RUNX1T1: variants seen among roughly 807,000 people sequenced by gnomAD.
The protein encoded by RUNX1T1 is protein CBFA2T1.
A neutral mutation model predicts 62.8 loss-of-function variants in RUNX1T1; 4 were observed. That is an observed-to-expected ratio of 0.06 (90% CI 0.03 to 0.15). RUNX1T1 has a LOEUF of 0.15. RUNX1T1 is among the 10% of genes least tolerant of loss of function. RUNX1T1 has a pLI of 1.00. For synonymous variants in RUNX1T1, 291 were observed against 286.0 expected (o/e 1.02, Z -0.18); for missense variants, 508 against 754.3 (o/e 0.67, Z 3.82).
At chr8:92,008,400 A>T (rs868248944) in intron 4 of RUNX1T1, among the ~76,000 whole-genome samples, 23,544 of 146,744 alleles carry the variant, frequency 0.16, 2,162 homozygotes, top group Middle Eastern at 0.25. Flanking sequence ...ACACACACAC[A>T]CACACACACA....
intron 10 of RUNX1T1, 121 bp downstream of exon 11, chr8:91,970,537 C>T (rs1194716626): frequency 8.1e-6 from 7 of 864,760 alleles, no homozygotes; most frequent in Non-Finnish European, 1.2e-5. Context: ...CCTTGACTTT[C>T]CCCACACTGT....
chr8:92,004,887 T>C, intron 5 of RUNX1T1: 1 of 434,694 alleles, frequency 2.3e-6, no homozygotes, highest in Non-Finnish European at 4.0e-6. Flanking sequence ...GCTTTAATAC[T>C]ACAAGCAGAA....
chr8:91,967,795 G>T lies in RUNX1T1; in HGVS notation c.1458+2863C>A, dbSNP rs560174050. On this transcript the variant is annotated intron_variant, in intron 10 of 10. Coordinates refer to ENST00000396218, the Ensembl canonical transcript of RUNX1T1. ...ACCACATATACGTTGTTTTAGATTT[G>T]GATTATATAGTTCATACCTGACCTA... 9.2e-5 allele frequency among the ~76,000 whole-genome samples: 14 copies of T among 152,108 alleles called. No individual in the cohort carries two copies. The East Asian group carries it at 2.5e-3, about 27-fold the overall frequency.
chr8:91,972,537 C>T (rs1263342561), intron 9 of RUNX1T1, among the ~76,000 whole-genome samples: 1 of 152,040 alleles, frequency 6.6e-6, no homozygotes, highest in Non-Finnish European at 1.5e-5. Flanking sequence ...CCTTTATTAT[C>T]CTATCATAAA....
intron 5 of RUNX1T1, among the ~76,000 whole-genome samples, chr8:91,994,229 T>C (rs959759049): frequency 3.3e-5 from 5 of 152,182 alleles, no homozygotes; most frequent in African/African-American, 1.2e-4. Flanking sequence ...ATCACTGATA[T>C]CAGACTAAAA....
intron 6 of RUNX1T1, among the ~76,000 whole-genome samples, chr8:91,990,094 G>A (rs746918190): frequency 3.3e-5 from 5 of 152,078 alleles, no homozygotes; most frequent in East Asian, 3.9e-4. Context: ...GGCCCTACAC[G>A]TGGAGCCCCT....
At chr8:91,996,059 T>C (rs1007125211) in intron 5 of RUNX1T1, among the ~76,000 whole-genome samples, 1 of 152,208 alleles carries the variant, frequency 6.6e-6, no homozygotes, top group Non-Finnish European at 1.5e-5. Context: ...TCAGGCAAAA[T>C]TAGCGAAGAC....
rs1390733041 is a variant in RUNX1T1 at position 92,005,312 on chromosome 8, C to T, written c.478-15G>A. The T allele has an allele frequency of 1.2e-6, 2 of 1,608,350 alleles. No homozygotes were observed. Among genetic ancestry groups the T allele is most frequent in the Non-Finnish European group, 1.7e-6 (2 of 1,178,600 alleles). On this transcript the variant is annotated splice_polypyrimidine_tract_variant and intron_variant, in intron 4 of 10. Coordinates refer to ENST00000396218, the Ensembl canonical transcript of RUNX1T1. ...GGCAAGTTGGCCTGCAAGGGAATGACAGGAATGAGAGGACGGACTGAAAGT... is the reference window on the plus strand; with the variant it reads ...GGCAAGTTGGCCTGCAAGGGAATGATAGGAATGAGAGGACGGACTGAAAGT...
chr8:92,099,876 C>T (rs952824789), upstream of RUNX1T1, among the ~76,000 whole-genome samples: 1 of 152,100 alleles, frequency 6.6e-6, no homozygotes, highest in Admixed American at 6.6e-5. Flanking sequence ...TTTTTGGCTA[C>T]GGTTCGATTT....
chr8:91,985,554 T>C (rs1816377986), intron 8 of RUNX1T1, among the ~76,000 whole-genome samples: 1 of 152,190 alleles, frequency 6.6e-6, no homozygotes, highest in Non-Finnish European at 1.5e-5. Context: ...ATCTTTATCA[T>C]TAATTTTAAA....
At chr8:91,986,252 G>A (rs1816543986) in exon 8 of RUNX1T1, 1 of 1,613,786 alleles carries the variant, frequency 6.2e-7, no homozygotes. Context: ...TTCCCGGTCT[G>A]CTTCTTGACA....
At chr8:92,003,283 C>T (rs1820108184) in intron 5 of RUNX1T1, 1 of 450,652 alleles carries the variant, frequency 2.2e-6, no homozygotes, top group South Asian at 1.6e-5. Context: ...TCAGTGTTAA[C>T]ATACTGCCCA....
intron 9 of RUNX1T1, among the ~76,000 whole-genome samples, chr8:91,971,503 A>G (rs1812818486): frequency 6.6e-6 from 1 of 152,236 alleles, no homozygotes; most frequent in Non-Finnish European, 1.5e-5. Context: ...TAACTCAGAT[A>G]GCAATTAAGT....
intron 8 of RUNX1T1, among the ~76,000 whole-genome samples, chr8:91,977,870 C>A (rs1220834127): frequency 6.6e-6 from 1 of 152,126 alleles, no homozygotes; most frequent in East Asian, 1.9e-4. Flanking sequence ...CTCACTGCAA[C>A]CTGTGCCTCC....
chr8:92,025,835 C>T (rs917332806), intron 1 of RUNX1T1, among the ~76,000 whole-genome samples: 1 of 152,120 alleles, frequency 6.6e-6, no homozygotes, highest in South Asian at 2.1e-4. Flanking sequence ...AAATTAATCA[C>T]TAAAGATAAA....
intron 1 of RUNX1T1, among the ~76,000 whole-genome samples, chr8:92,053,513 T>C (rs2130431430): frequency 6.6e-6 from 1 of 152,342 alleles, no homozygotes; most frequent in East Asian, 1.9e-4. Context: ...TTAAGTGTTG[T>C]ATGTTGCATT....
chr8:92,015,724 CAT>C (rs991573414), intron 2 of RUNX1T1, among the ~76,000 whole-genome samples: 6 of 151,976 alleles, frequency 3.9e-5, no homozygotes, highest in African/African-American at 1.5e-4. Flanking sequence ...TTATCAAACC[CAT>C]CTTTTTAATA....
chr8:92,032,278 G>A (rs1239410371), intron 1 of RUNX1T1, among the ~76,000 whole-genome samples: 1 of 151,354 alleles, frequency 6.6e-6, no homozygotes, highest in Non-Finnish European at 1.5e-5. Flanking sequence ...GTGAGAAAAA[G>A]ACAAAGTAAT....
At chr8:91,992,771 G>C (rs1817925938) in intron 5 of RUNX1T1, among the ~76,000 whole-genome samples, 3 of 152,126 alleles carry the variant, frequency 2.0e-5, no homozygotes, top group African/African-American at 7.2e-5. Flanking sequence ...GGCAGGACGG[G>C]AACACCCTGA....
Sources: allele counts gnomAD v4.1 joint callset (sites outside exome capture counted in the v4.1 genomes callset), GRCh38; gene constraint gnomAD v4.1.1; transcripts MANE v1.5; gene names NCBI Gene and HGNC (gene_info 2026-07-23, HGNC 2026-07-21).